LRRTM4: variants seen among roughly 807,000 people sequenced by gnomAD.
LRRTM4 encodes leucine-rich repeat transmembrane neuronal protein 4.
In LRRTM4, 25 loss-of-function variants were observed where a neutral mutation model predicts 47.6. That is an observed-to-expected ratio of 0.53 (90% CI 0.38 to 0.73). The LOEUF is 0.73. Ranked by LOEUF, LRRTM4 falls within the 30% of genes least tolerant of loss-of-function variation. LRRTM4 has a pLI of 0.00. For synonymous variants in LRRTM4, 311 were observed against 269.5 expected, an observed-to-expected ratio of 1.15 and a Z score of -1.51; for missense variants, 638 against 713.4, an observed-to-expected ratio of 0.89 and a Z score of 1.20.
intron 3 of LRRTM4, among the ~76,000 whole-genome samples, chr2:76,900,917 A>C (rs1014053734): frequency 3.3e-5 from 5 of 152,208 alleles, no homozygotes; most frequent in Non-Finnish European, 5.9e-5. Flanking sequence ...AGAATTTTGA[A>C]AGACCTAAAA....
intron 3 of LRRTM4, among the ~76,000 whole-genome samples, chr2:77,472,921 CT>C (rs1407068170): frequency 6.6e-6 from 1 of 152,104 alleles, no homozygotes; most frequent in Non-Finnish European, 1.5e-5. Flanking sequence ...AATTAATCAT[CT>C]TTTGCTCACA....
intron 3 of LRRTM4, among the ~76,000 whole-genome samples, chr2:77,109,583 G>A (rs1042160909): frequency 6.6e-6 from 1 of 152,012 alleles, no homozygotes; most frequent in African/African-American, 2.4e-5. Flanking sequence ...TAAAATTTTT[G>A]TGTGGGAGAC....
chr2:77,161,142 T>C (rs369886995), intron 3 of LRRTM4, among the ~76,000 whole-genome samples: 1 of 152,162 alleles, frequency 6.6e-6, no homozygotes, highest in East Asian at 1.9e-4. Flanking sequence ...AGTTAAACGA[T>C]AACCCAGCAT....
intron 3 of LRRTM4, among the ~76,000 whole-genome samples, chr2:77,083,048 C>G (rs1438468415): frequency 6.6e-6 from 1 of 152,076 alleles, no homozygotes; most frequent in Non-Finnish European, 1.5e-5. Flanking sequence ...GTATACACTT[C>G]TGATCTATAT....
intron 3 of LRRTM4, among the ~76,000 whole-genome samples, chr2:77,340,972 A>C (rs1484399940): frequency 1.3e-5 from 2 of 151,974 alleles, no homozygotes; most frequent in East Asian, 3.9e-4. Context: ...ACCCTGATAT[A>C]AAGCATTTGC....
At chr2:77,024,471 C>T (rs1474930598) in intron 3 of LRRTM4, among the ~76,000 whole-genome samples, 2 of 146,262 alleles carry the variant, frequency 1.4e-5, no homozygotes, top group Non-Finnish European at 3.0e-5. Flanking sequence ...ACATGCATGT[C>T]ATTGGTTGCA....
At chr2:76,868,201 G>T (rs550421654) in intron 3 of LRRTM4, among the ~76,000 whole-genome samples, 85 of 152,240 alleles carry the variant, frequency 5.6e-4, no homozygotes, top group Non-Finnish European at 1.0e-3. Flanking sequence ...TTTAGAATAT[G>T]ATTTCCATCC....
rs933764113 is a variant in LRRTM4 at position 77,518,129 on chromosome 2, T to A, written c.1551+189A>T. ...GAACTTCCTTCAAGTTTCAACCATT[T>A]AAAAAAAAAAAAAAAGCAGTCAATT... On this transcript the variant is annotated intron_variant, in intron 3 of 3. Coordinates refer to ENST00000409884, the MANE Select transcript of LRRTM4 (RefSeq NM_001134745.3). 1.8e-4 allele frequency: 219 copies of A among 1,189,382 alleles called. No homozygotes were observed. In the African/African-American group the frequency reaches 3.0e-3, roughly 16 times the overall value. 73.7% of individuals were successfully genotyped at this position (1,189,382 alleles called of 1,614,324 possible).
At chr2:77,489,825 C>A (rs916510537) in intron 3 of LRRTM4, among the ~76,000 whole-genome samples, 3 of 152,194 alleles carry the variant, frequency 2.0e-5, no homozygotes, top group Non-Finnish European at 4.4e-5. Flanking sequence ...CACAAAATAT[C>A]AGATGTGGAG....
chr2:77,191,826 A>G (rs1170401788), intron 3 of LRRTM4, among the ~76,000 whole-genome samples: 1 of 152,096 alleles, frequency 6.6e-6, no homozygotes, highest in Admixed American at 6.6e-5. Flanking sequence ...TTACATAGAT[A>G]AACCTAACTT....
intron 3 of LRRTM4, among the ~76,000 whole-genome samples, chr2:77,174,836 C>G: frequency 6.6e-6 from 1 of 151,908 alleles, no homozygotes; most frequent in East Asian, 2.0e-4. Context: ...GTGATGTTCC[C>G]CTTCCTGTGT....
intron 3 of LRRTM4, among the ~76,000 whole-genome samples, chr2:77,268,959 A>G (rs866745286): frequency 1.6e-4 from 25 of 152,146 alleles, no homozygotes; most frequent in African/African-American, 5.8e-4. Flanking sequence ...GCCCAGAAAT[A>G]CCTTTTTTGC....
chr2:76,929,075 T>C (rs1432300587), intron 3 of LRRTM4, among the ~76,000 whole-genome samples: 1 of 152,128 alleles, frequency 6.6e-6, no homozygotes, highest in Non-Finnish European at 1.5e-5. Context: ...TACTACAACA[T>C]TACTATGATA....
At chr2:76,843,049 C>T (rs114272144) in intron 3 of LRRTM4, among the ~76,000 whole-genome samples, 2,201 of 152,294 alleles carry the variant, frequency 0.014, 47 homozygotes, top group African/African-American at 0.046. Flanking sequence ...CACATTTCGG[C>T]TCTTTTTGTA....
intron 3 of LRRTM4, among the ~76,000 whole-genome samples, chr2:76,787,609 AAAT>A (rs1404627354): frequency 6.6e-6 from 1 of 152,064 alleles, no homozygotes; most frequent in Non-Finnish European, 1.5e-5. Context: ...TAAATTGAAA[AAAT>A]ATTTTCTATT....
At chr2:77,049,023 T>A (rs547415200) in intron 3 of LRRTM4, among the ~76,000 whole-genome samples, 75 of 150,880 alleles carry the variant, frequency 5.0e-4, no homozygotes, top group African/African-American at 1.8e-3. Flanking sequence ...ACAATATTCA[T>A]CTTTCTGTGC....
intron 3 of LRRTM4, among the ~76,000 whole-genome samples, chr2:76,949,606 T>G (rs1675434846): frequency 6.6e-6 from 1 of 151,928 alleles, no homozygotes; most frequent in Admixed American, 6.6e-5. Context: ...GAAATGGTGA[T>G]GCTCAGTGGC....
Position 76,842,490 on chromosome 2 carries a change from A to C in LRRTM4, c.1552-93574T>G, listed in dbSNP as rs562985251. Among the ~76,000 whole-genome samples, 5 of 152,208 alleles carry C rather than the reference A, an allele frequency of 3.3e-5. No homozygotes were observed. The South Asian group carries it at 1.0e-3, about 32-fold the overall frequency. On this transcript the variant is annotated intron_variant, in intron 3 of 3. Coordinates refer to ENST00000409884, the MANE Select transcript of LRRTM4 (RefSeq NM_001134745.3). ...ACCATAAGTCGAAAATGCATTTAGC[A>C]CACCTAACCTATGGAACAGCATAGC... is the stretch of plus-strand genomic sequence containing the variant.
intron 3 of LRRTM4, among the ~76,000 whole-genome samples, chr2:77,162,660 C>T (rs534619460): frequency 9.9e-5 from 15 of 152,156 alleles, no homozygotes; most frequent in African/African-American, 3.4e-4. Context: ...TTTGCCATTC[C>T]ACAATATTTT....
Sources: allele counts gnomAD v4.1 joint callset (sites outside exome capture counted in the v4.1 genomes callset), GRCh38; gene constraint gnomAD v4.1.1; transcripts MANE v1.5; gene names NCBI Gene and HGNC (gene_info 2026-07-23, HGNC 2026-07-21).